FRAS1: variants seen among roughly 807,000 people sequenced by gnomAD.
FRAS1 encodes extracellular matrix organizing protein FRAS1.
FRAS1 carries 290 observed loss-of-function variants against 435.2 expected under a neutral mutation model. That is an observed-to-expected ratio of 0.67 (90% CI 0.61 to 0.73). FRAS1 has a LOEUF of 0.73. Among genes scored for constraint, FRAS1 ranks in the 30% least tolerant of loss-of-function variants. The probability of loss-of-function intolerance (pLI) is 0.00; values close to 1 mark genes in which losing one functional copy is unlikely to be tolerated. For synonymous variants in FRAS1, 1,800 were observed against 1,851.0 expected (o/e 0.97, Z 0.71); for missense variants, 4,860 against 5,001.5 (o/e 0.97, Z 0.85).
chr4:78,356,545 T>C (rs1253481395), intron 20 of FRAS1, among the ~76,000 whole-genome samples: 2 of 152,206 alleles, frequency 1.3e-5, no homozygotes, highest in African/African-American at 4.8e-5. Flanking sequence ...ATAGTTTTCA[T>C]GTATTTGCAT....
intron 2 of FRAS1, among the ~76,000 whole-genome samples, chr4:78,160,332 T>C (rs1721084593): frequency 6.6e-6 from 1 of 152,228 alleles, no homozygotes; most frequent in South Asian, 2.1e-4. Flanking sequence ...TCAGGTTTAA[T>C]TGGGCCCTCA....
At chr4:78,450,893 GA>G (rs1282118195) in intron 45 of FRAS1, among the ~76,000 whole-genome samples, 4 of 152,074 alleles carry the variant, frequency 2.6e-5, no homozygotes, top group African/African-American at 2.4e-5. Context: ...ATACAAAAGG[GA>G]AAAAAAGTTA....
intron 37 of FRAS1, 30 bp downstream of exon 37, chr4:78,430,447 G>A (rs745397641): frequency 6.3e-7 from 1 of 1,591,866 alleles, no homozygotes; most frequent in South Asian, 1.1e-5. Flanking sequence ...CTCTGTCACT[G>A]ACCTGCTTGG....
At chr4:78,156,540 C>T (rs1720891314) in intron 2 of FRAS1, among the ~76,000 whole-genome samples, 1 of 152,084 alleles carries the variant, frequency 6.6e-6, no homozygotes, top group Admixed American at 6.5e-5. Flanking sequence ...TGATGCCCAC[C>T]TGGTCAATGG....
intron 33 of FRAS1, among the ~76,000 whole-genome samples, 170 bp from the exon 34 acceptor site, chr4:78,421,693 G>T (rs1004213056): frequency 2.6e-5 from 4 of 152,242 alleles, no homozygotes; most frequent in African/African-American, 9.6e-5. Flanking sequence ...TTTCAGATTT[G>T]CCCTTTCCTT....
Position 78,317,435 on chromosome 4 carries a change from C to T in FRAS1, c.1887C>T (p.Pro629=), listed in dbSNP as rs113170781. 3.5e-5 allele frequency: 57 copies of T among 1,613,834 alleles called. 3 individuals carry two copies. Among genetic ancestry groups the T allele is most frequent in the African/African-American group, 3.2e-4 (24 of 75,040 alleles). ...CTCACTGTACAGCCTGCAGCCCCCC[C>T]AAGGCTCTGCGTCAAGGCCACTGTC... ...TPSHCTACSP[P]KALRQGHCLP... is the part of the protein sequence containing the mutation. The change falls in exon 17 of 74, where the codon CCC becomes CCT. Residue 629 remains proline (P), a synonymous_variant. Coordinates refer to ENST00000512123, the MANE Select transcript of FRAS1 (RefSeq NM_025074.7).
intron 18 of FRAS1, 114 bp downstream of exon 18, chr4:78,319,100 A>C (rs953567448): frequency 1.6e-5 from 17 of 1,062,896 alleles, no homozygotes; most frequent in Non-Finnish European, 2.2e-5. Flanking sequence ...TGGTTCCTAG[A>C]TGCTTGTGAA....
At chr4:78,241,821 G>T (rs182372990) in intron 3 of FRAS1, among the ~76,000 whole-genome samples, 134 of 152,262 alleles carry the variant, frequency 8.8e-4, no homozygotes, top group African/African-American at 3.1e-3. Flanking sequence ...AACTGAGGTG[G>T]TTGAGAGTGT....
intron 2 of FRAS1, among the ~76,000 whole-genome samples, chr4:78,178,399 T>C (rs1721864255): frequency 6.6e-6 from 1 of 152,210 alleles, no homozygotes; most frequent in African/African-American, 2.4e-5. Flanking sequence ...AAATTACCAA[T>C]TTGTATAGAT....
At chr4:78,508,652 G>C in intron 62 of FRAS1, 79 bp from the exon 63 acceptor site, 1 of 1,448,632 alleles carries the variant, frequency 6.9e-7, no homozygotes, top group South Asian at 1.2e-5. Context: ...AGATCTTGTG[G>C]ATCTCTAAAG....
At chr4:78,407,343 A>T (rs1733140660) in intron 30 of FRAS1, among the ~76,000 whole-genome samples, 1 of 152,180 alleles carries the variant, frequency 6.6e-6, no homozygotes, top group South Asian at 2.1e-4. Context: ...CCAGTATTTG[A>T]GTATTTGTCT....
At chr4:78,153,799 T>A (rs17002980) in intron 2 of FRAS1, among the ~76,000 whole-genome samples, 5,571 of 152,294 alleles carry the variant, frequency 0.037, 343 homozygotes, top group African/African-American at 0.13. Flanking sequence ...TTGAATCTGC[T>A]TTACATTTTC....
chr4:78,345,646 C>A (rs531010834), intron 20 of FRAS1, among the ~76,000 whole-genome samples: 223 of 151,818 alleles, frequency 1.5e-3, no homozygotes, highest in Non-Finnish European at 2.5e-3. Context: ...CATCTTGTCA[C>A]CCTATCTCTT....
In FRAS1 at chr4:78,298,003, C is replaced by CCT. The variant is rs765903880; in HGVS notation, c.1535-10036_1535-10035dup. Among the ~76,000 whole-genome samples, 1,035 of 119,208 alleles carry CCT rather than the reference C, an allele frequency of 8.7e-3. 8 individuals are homozygous for CCT. Among genetic ancestry groups the CCT allele is most frequent in the African/African-American group, 0.024 (725 of 29,984 alleles). 78.2% of individuals were successfully genotyped at this position (119,208 alleles called of 152,430 possible). The stretch of plus-strand genomic sequence containing the variant: ...GGGAAGATGGGTATGTTAATTTGTT[C>CCT]CTCTCTCTCTCTCTCTCTCTCTCTC... On this transcript the variant is annotated intron_variant, in intron 14 of 73. Transcript: ENST00000512123.
chr4:78,111,801 A>G (rs1209805118), intron 2 of FRAS1, among the ~76,000 whole-genome samples: 1 of 151,806 alleles, frequency 6.6e-6, no homozygotes, highest in African/African-American at 2.4e-5. Flanking sequence ...TTTTGCAACA[A>G]TGTAAAAGTC....
At chr4:78,222,154 G>A (rs1050017748) in intron 2 of FRAS1, among the ~76,000 whole-genome samples, 1 of 152,168 alleles carries the variant, frequency 6.6e-6, no homozygotes, top group Admixed American at 6.5e-5. Context: ...CTCAGCTCTG[G>A]AAGAGTTACG....
intron 22 of FRAS1, among the ~76,000 whole-genome samples, chr4:78,366,297 G>T (rs1731265471): frequency 6.6e-6 from 1 of 152,218 alleles, no homozygotes; most frequent in South Asian, 2.1e-4. Context: ...GAGAATTCCA[G>T]AGTTACTCAA....
chr4:78,425,644 T>C (rs147397833), intron 35 of FRAS1, among the ~76,000 whole-genome samples: 1 of 152,342 alleles, frequency 6.6e-6, no homozygotes, highest in African/African-American at 2.4e-5. Flanking sequence ...TGTGTTACTG[T>C]TGATATGAAC....
intron 42 of FRAS1, chr4:78,446,486 C>T (rs563153058): frequency 4.2e-5 from 55 of 1,301,544 alleles, no homozygotes; most frequent in African/African-American, 6.1e-5. Context: ...ATTGTACTTA[C>T]GGAAGATATC....
Sources: gnomAD v4.1 joint callset for allele counts (sites outside exome capture counted in the v4.1 genomes callset) on GRCh38, gnomAD v4.1.1 for gene constraint, MANE v1.5 for transcripts, NCBI Gene and HGNC (gene_info 2026-07-23, HGNC 2026-07-21) for gene names.